Variants in IGF2BP3 observed in about 807,000 individuals in gnomAD.
IGF2BP3 encodes insulin like growth factor 2 mRNA binding protein 3, also known as insulin-like growth factor 2 mRNA-binding protein 3.
In IGF2BP3, 9 loss-of-function variants were observed where a neutral mutation model predicts 73.8. The ratio of observed to expected loss-of-function variants is 0.12; its 90% CI spans 0.07 to 0.21. The LOEUF (loss-of-function observed/expected upper bound fraction) is 0.21. Ranked by LOEUF, IGF2BP3 falls within the 10% of genes least tolerant of loss-of-function variation. IGF2BP3 has a pLI of 1.00. For missense variants in IGF2BP3, 542 were observed against 714.0 expected (o/e 0.76, Z 2.75); for synonymous variants, 258 against 256.7 (o/e 1.01, Z -0.05).
chr7:23,400,762 A>AT (rs1489433328), intron 3 of IGF2BP3, among the ~76,000 whole-genome samples: 1 of 152,238 alleles, frequency 6.6e-6, no homozygotes, highest in Admixed American at 6.5e-5. Flanking sequence ...TGTGTATAAA[A>AT]TGAGTGAGCT....
At chr7:23,378,624 A>G (rs1320300621) in intron 3 of IGF2BP3, among the ~76,000 whole-genome samples, 2 of 121,904 alleles carry the variant, frequency 1.6e-5, no homozygotes, top group Admixed American at 1.1e-4. Context: ...GCCAGGCTGG[A>G]GTGCAGTGGC....
chr7:23,333,050 T>G (rs1480349591), intron 10 of IGF2BP3, among the ~76,000 whole-genome samples: 2 of 152,092 alleles, frequency 1.3e-5, no homozygotes, highest in East Asian at 3.8e-4. Context: ...TGTAATTATT[T>G]GTTTCCTGGG....
intron 2 of IGF2BP3, among the ~76,000 whole-genome samples, chr7:23,446,750 A>C (rs1250973300): frequency 1.3e-5 from 2 of 152,180 alleles, no homozygotes; most frequent in Admixed American, 1.3e-4. Context: ...TTATTACAAA[A>C]GAAAAAATAG....
At chr7:23,335,047 G>C (rs1014063100) in intron 10 of IGF2BP3, among the ~76,000 whole-genome samples, 1 of 103,850 alleles carries the variant, frequency 9.6e-6, no homozygotes, top group African/African-American at 3.7e-5. Flanking sequence ...TCCATGACCT[G>C]AACAAAATAT....
Position 23,372,316 on chromosome 7 carries a change from G to GC in IGF2BP3, c.286-10576dup, listed in dbSNP as rs202046297. 7.0e-3 allele frequency among the ~76,000 whole-genome samples: 1,067 copies of GC among 151,980 alleles called. 15 individuals are homozygous for GC. Among genetic ancestry groups the GC allele is most frequent in the African/African-American group, 0.024 (993 of 41,468 alleles). On this transcript the variant is annotated intron_variant, in intron 3 of 14. Coordinates refer to ENST00000258729, the MANE Select transcript of IGF2BP3 (RefSeq NM_006547.3). ...CCTCAAACTCCTGACCTCGTGATCT[G>GC]CCCCCCCTGGCCTCCCAAAGTGCTG... is the stretch of plus-strand genomic sequence containing the variant.
At chr7:23,317,381 T>G (rs1784020305) in intron 12 of IGF2BP3, among the ~76,000 whole-genome samples, 1 of 152,240 alleles carries the variant, frequency 6.6e-6, no homozygotes, top group African/African-American at 2.4e-5. Flanking sequence ...AGGTCTCACC[T>G]TAGCATAGGA....
chr7:23,417,437 A>C (rs1187668644), intron 3 of IGF2BP3, among the ~76,000 whole-genome samples: 1 of 152,222 alleles, frequency 6.6e-6, no homozygotes, highest in Non-Finnish European at 1.5e-5. Context: ...TAGATACGGC[A>C]AATACCCAGA....
chr7:23,421,017 T>TTG (rs989864269), intron 2 of IGF2BP3, among the ~76,000 whole-genome samples: 5 of 152,110 alleles, frequency 3.3e-5, no homozygotes, highest in African/African-American at 1.2e-4. Context: ...TCTTTTTCTT[T>TTG]TGTGTGTGTG....
At chr7:23,461,414 C>A (rs1189761277) in intron 2 of IGF2BP3, among the ~76,000 whole-genome samples, 3 of 152,182 alleles carry the variant, frequency 2.0e-5, no homozygotes, top group African/African-American at 7.2e-5. Context: ...TAACCTTCTT[C>A]ACTTAAATTT....
chr7:23,334,322 T>A lies in IGF2BP3; in HGVS notation c.1203+7742A>T, dbSNP rs1583898878. On this transcript the variant is annotated intron_variant, in intron 10 of 14. Coordinates refer to ENST00000258729, the MANE Select transcript of IGF2BP3 (RefSeq NM_006547.3). The stretch of plus-strand genomic sequence containing the variant: ...CAGAGCCTGGGCAACAGAGCGAGAC[T>A]CTGTCTCAAAAAATAAAAAAGAAAA... Among the ~76,000 whole-genome samples the A allele has an allele frequency of 2.0e-5, 3 of 152,246 alleles. No individual in the cohort carries two copies. The South Asian group carries it at 6.2e-4, about 32-fold the overall frequency.
intron 5 of IGF2BP3, among the ~76,000 whole-genome samples, chr7:23,354,006 T>A (rs563637057): frequency 7.0e-4 from 106 of 152,380 alleles, no homozygotes; most frequent in Non-Finnish European, 1.2e-3. Flanking sequence ...TTATTTATTT[T>A]TTTTGAAATG....
chr7:23,334,505 GT>G (rs1204567329), intron 10 of IGF2BP3, among the ~76,000 whole-genome samples: 1 of 152,178 alleles, frequency 6.6e-6, no homozygotes, highest in Non-Finnish European at 1.5e-5. Flanking sequence ...TGAGACCTAG[GT>G]TGGAAAAGGC....
chr7:23,426,539 C>A (rs1787517272), intron 2 of IGF2BP3, among the ~76,000 whole-genome samples: 1 of 152,020 alleles, frequency 6.6e-6, no homozygotes, highest in South Asian at 2.1e-4. Flanking sequence ...TAAATGTTAC[C>A]CTTTTTCTTG....
At chr7:23,417,342 T>C (rs1156329100) in intron 3 of IGF2BP3, among the ~76,000 whole-genome samples, 1 of 152,164 alleles carries the variant, frequency 6.6e-6, no homozygotes, top group Non-Finnish European at 1.5e-5. Context: ...ATTTGCCCAT[T>C]TGAAAACAGA....
chr7:23,314,499 T>C (rs907033021), intron 12 of IGF2BP3, among the ~76,000 whole-genome samples: 7 of 151,788 alleles, frequency 4.6e-5, no homozygotes, highest in South Asian at 2.1e-4. Context: ...TTTATAGAGA[T>C]GGGGGTCTTG....
intron 3 of IGF2BP3, among the ~76,000 whole-genome samples, chr7:23,400,224 C>A (rs185417126): frequency 6.6e-6 from 1 of 152,282 alleles, no homozygotes; most frequent in Admixed American, 6.5e-5. Context: ...CACAAATAGG[C>A]AAATGCATCT....
intron 3 of IGF2BP3, among the ~76,000 whole-genome samples, chr7:23,374,065 T>C (rs889109204): frequency 1.7e-4 from 26 of 152,204 alleles, no homozygotes; most frequent in African/African-American, 6.0e-4. Context: ...CTATTTTCTT[T>C]ACAAGGTACC....
intron 3 of IGF2BP3, among the ~76,000 whole-genome samples, chr7:23,368,867 A>T (rs1252209329): frequency 6.6e-6 from 1 of 151,936 alleles, no homozygotes; most frequent in Non-Finnish European, 1.5e-5. Flanking sequence ...ATTGCACTCC[A>T]GCCTGGGCCA....
chr7:23,340,432 G>C (rs1046044787), intron 10 of IGF2BP3, among the ~76,000 whole-genome samples: 3 of 152,102 alleles, frequency 2.0e-5, no homozygotes, highest in Non-Finnish European at 4.4e-5. Flanking sequence ...ATTTTTAAAA[G>C]GATAAAAGGG....
Sources: gnomAD v4.1 joint callset for allele counts (sites outside exome capture counted in the v4.1 genomes callset) on GRCh38, gnomAD v4.1.1 for gene constraint, MANE v1.5 for transcripts, NCBI Gene and HGNC (gene_info 2026-07-23, HGNC 2026-07-21) for gene names.